Variants in SDCCAG8 observed in about 807,000 individuals in gnomAD.
SDCCAG8 encodes serologically defined colon cancer antigen 8.
A neutral mutation model predicts 101.8 loss-of-function variants in SDCCAG8; 74 were observed. The observed-to-expected ratio is 0.73, with a 90% CI of 0.60 to 0.88. SDCCAG8 has a LOEUF of 0.88. Among genes scored for constraint, SDCCAG8 ranks in the 40% least tolerant of loss-of-function variants. SDCCAG8 has a pLI of 0.00. For missense variants in SDCCAG8, 787 were observed against 822.6 expected (o/e 0.96, Z 0.53); for synonymous variants, 281 against 292.9 (o/e 0.96, Z 0.41).
At chr1:243,332,273 AT>A (rs1308584130) in intron 10 of SDCCAG8, among the ~76,000 whole-genome samples, 3 of 152,208 alleles carry the variant, frequency 2.0e-5, no homozygotes, top group East Asian at 3.8e-4. Flanking sequence ...AGGATTTTCA[AT>A]TTTGTCCAAA....
chr1:243,474,881 G>A lies in SDCCAG8; in HGVS notation c.1986-14133G>A, dbSNP rs1473025348. Among the ~76,000 whole-genome samples the A allele has an allele frequency of 6.6e-6, 1 of 152,216 alleles. No individual in the cohort carries two copies. The highest frequency in any genetic ancestry group is 2.4e-5 in the African/African-American group (1 of 41,470). On this transcript the variant is annotated intron_variant, in intron 16 of 17. Transcript: ENST00000366541. This position sits in a 1 kb window ranked among gnomAD's most constrained non-coding sequence, Gnocchi z 4.7. ...CCGAGACTGAAGCATTTTATTGGCA[G>A]CATTTAGAATCGGGGAAAAATCTAC...
At chr1:243,339,878 T>C (rs1373107354) in intron 10 of SDCCAG8, among the ~76,000 whole-genome samples, 1 of 152,234 alleles carries the variant, frequency 6.6e-6, no homozygotes, top group Non-Finnish European at 1.5e-5. Flanking sequence ...TCACCAGTTC[T>C]TGTTTTAACA....
intron 12 of SDCCAG8, among the ~76,000 whole-genome samples, chr1:243,364,488 A>T (rs192447977): frequency 6.6e-6 from 1 of 152,282 alleles, no homozygotes; most frequent in East Asian, 1.9e-4. Flanking sequence ...AGGTACACCA[A>T]GGAGTAACAG....
chr1:243,499,494 A>ATTT (rs1235436558), intron 17 of SDCCAG8, among the ~76,000 whole-genome samples: 1 of 152,204 alleles, frequency 6.6e-6, no homozygotes, highest in African/African-American at 2.4e-5. Flanking sequence ...GACTGTCCTT[A>ATTT]TTTAAGAGGC....
intron 16 of SDCCAG8, among the ~76,000 whole-genome samples, chr1:243,473,957 T>G: frequency 1.4e-5 from 2 of 139,748 alleles, no homozygotes; most frequent in Non-Finnish European, 3.0e-5. Flanking sequence ...AGTACTTCTT[T>G]GAGTTCTCAA....
intron 16 of SDCCAG8, chr1:243,475,848 G>T (rs1662305670): frequency 1.7e-6 from 1 of 584,678 alleles, no homozygotes; most frequent in Non-Finnish European, 2.2e-6. Context: ...AGCCTAGACT[G>T]GTTCTCTTGC....
At chr1:243,284,099 C>T (rs6429420) in intron 4 of SDCCAG8, among the ~76,000 whole-genome samples, 4,912 of 152,280 alleles carry the variant, frequency 0.032, 251 homozygotes, top group African/African-American at 0.11. Context: ...TTTGCCTTAT[C>T]TCAGACTGTT....
chr1:243,269,962 G>T, intron 1 of SDCCAG8, 143 bp from the exon 2 acceptor site: 1 of 1,147,412 alleles, frequency 8.7e-7, no homozygotes, highest in Admixed American at 2.0e-5. Flanking sequence ...ACATCCCTCA[G>T]CAAGCTAGAA....
intron 13 of SDCCAG8, among the ~76,000 whole-genome samples, chr1:243,402,293 G>A (rs908613653): frequency 6.6e-6 from 1 of 151,772 alleles, no homozygotes; most frequent in Non-Finnish European, 1.5e-5. Context: ...AGCCAGGCAT[G>A]ATGGCGCACA....
intron 16 of SDCCAG8, among the ~76,000 whole-genome samples, chr1:243,455,460 G>T (rs1177649707): frequency 1.3e-5 from 2 of 152,030 alleles, no homozygotes; most frequent in African/African-American, 4.8e-5. Flanking sequence ...AATAGAGTTG[G>T]GTTTCACCAT....
intron 9 of SDCCAG8, among the ~76,000 whole-genome samples, chr1:243,329,333 A>C (rs566443504): frequency 1.3e-5 from 2 of 152,322 alleles, no homozygotes; most frequent in South Asian, 2.1e-4. Flanking sequence ...AGAAGAGACC[A>C]AAAGAAACTG....
intron 12 of SDCCAG8, among the ~76,000 whole-genome samples, chr1:243,367,299 T>C (rs766649938): frequency 1.3e-5 from 2 of 152,120 alleles, no homozygotes; most frequent in East Asian, 1.9e-4. Context: ...CAGAAAAGAT[T>C]GTTTTCCTGG....
intron 16 of SDCCAG8, among the ~76,000 whole-genome samples, chr1:243,475,065 G>A (rs920788969): frequency 1.3e-5 from 2 of 152,118 alleles, no homozygotes; most frequent in Non-Finnish European, 2.9e-5. Flanking sequence ...GGGAGGAGAG[G>A]AGCTGGCAGG....
chr1:243,474,940 A>G lies in SDCCAG8; in HGVS notation c.1986-14074A>G, dbSNP rs1662101536. ...TAGCAGTTGCTCTTTTCTGAAGCAG[A>G]AAATTATCTCTAGGGATGACTTAGT... On this transcript the variant is annotated intron_variant, in intron 16 of 17. Transcript: ENST00000366541. The surrounding 1 kb of genome is among the most constrained non-coding windows in gnomAD (Gnocchi z 4.7). Among the ~76,000 whole-genome samples, 1 of 152,230 alleles carries G rather than the reference A, an allele frequency of 6.6e-6. No homozygotes were observed. Among genetic ancestry groups the G allele is most frequent in the South Asian group, 2.1e-4 (1 of 4,836 alleles).
At chr1:243,493,634 G>A (rs1667110441) in intron 17 of SDCCAG8, among the ~76,000 whole-genome samples, 1 of 152,034 alleles carries the variant, frequency 6.6e-6, no homozygotes, top group South Asian at 2.1e-4. Context: ...TTAGAAAACA[G>A]AGTCGGAAAC....
chr1:243,402,499 A>G (rs535392739), intron 13 of SDCCAG8, among the ~76,000 whole-genome samples: 2 of 152,238 alleles, frequency 1.3e-5, no homozygotes, highest in African/African-American at 4.8e-5. Context: ...GTATTTCAAC[A>G]TGTGATTTAT....
intron 16 of SDCCAG8, among the ~76,000 whole-genome samples, chr1:243,484,195 A>G (rs10927026): frequency 0.049 from 7,452 of 152,342 alleles, 239 homozygotes; most frequent in Non-Finnish European, 0.068. Flanking sequence ...GACGAAGTCC[A>G]TATTTGCTGG....
At chr1:243,482,898 CTG>C (rs776206615) in intron 16 of SDCCAG8, among the ~76,000 whole-genome samples, 9 of 152,158 alleles carry the variant, frequency 5.9e-5, no homozygotes, top group Non-Finnish European at 1.0e-4. Flanking sequence ...TCGGACGATT[CTG>C]TGTTTCCTGC....
chr1:243,486,281 A>G (rs1664813358), intron 16 of SDCCAG8, among the ~76,000 whole-genome samples: 1 of 151,664 alleles, frequency 6.6e-6, no homozygotes, highest in Non-Finnish European at 1.5e-5. Flanking sequence ...TGATTTAAAA[A>G]TTGAGTCAAT....
Sources: gnomAD v4.1 joint callset for allele counts (sites outside exome capture counted in the v4.1 genomes callset) on GRCh38, gnomAD v4.1.1 for gene constraint, Gnocchi (gnomAD v3.1) non-coding constraint, MANE v1.5 for transcripts, NCBI Gene and HGNC (gene_info 2026-07-23, HGNC 2026-07-21) for gene names.